The following LEKR1 variants were observed in gnomAD, a reference collection of about 807,000 sequenced individuals.
LEKR1 encodes leucine, glutamate and lysine rich 1, also known as protein LEKR1.
Under a neutral mutation model 72.4 loss-of-function variants are expected in LEKR1, and 59 were observed. The ratio of observed to expected loss-of-function variants is 0.82; its 90% CI spans 0.66 to 1.01. The LOEUF (loss-of-function observed/expected upper bound fraction) is 1.01, where lower values mean the gene tolerates loss of function less well. LEKR1 is among the 50% of genes least tolerant of loss of function. LEKR1 has a pLI of 0.00. For missense variants in LEKR1, 728 were observed against 759.2 expected, an observed-to-expected ratio of 0.96 and a Z score of 0.48; for synonymous variants, 257 against 263.2, an observed-to-expected ratio of 0.98 and a Z score of 0.23.
intron 12 of LEKR1, among the ~76,000 whole-genome samples, chr3:157,043,554 C>G (rs1318832312): frequency 6.6e-6 from 1 of 151,942 alleles, no homozygotes; most frequent in African/African-American, 2.4e-5. Flanking sequence ...GAGCAGGTCT[C>G]TGAAAGTGAG....
At chr3:156,908,395 A>C (rs1560071747) in intron 3 of LEKR1, among the ~76,000 whole-genome samples, 1 of 151,868 alleles carries the variant, frequency 6.6e-6, no homozygotes, top group Non-Finnish European at 1.5e-5. Flanking sequence ...TTAATTGGAA[A>C]TTTTCTGTGT....
chr3:157,024,986 C>T (rs11715321), intron 11 of LEKR1, 62 bp downstream of exon 11: 792,261 of 1,214,744 alleles, frequency 0.65, 262,307 homozygotes, highest in South Asian at 0.79. Context: ...TTGTATATTT[C>T]GCCTTAGAAC....
At chr3:156,906,841 T>C (rs992258870) in intron 3 of LEKR1, among the ~76,000 whole-genome samples, 3 of 152,150 alleles carry the variant, frequency 2.0e-5, no homozygotes, top group African/African-American at 7.2e-5. Flanking sequence ...GGAAAGTGTT[T>C]CAATGTGCAT....
At chr3:157,020,463 GT>G (rs1733738661) in intron 10 of LEKR1, among the ~76,000 whole-genome samples, 1 of 117,360 alleles carries the variant, frequency 8.5e-6, no homozygotes, top group South Asian at 3.0e-4. Context: ...AGAGTGTGAT[GT>G]TCCCCTTCCT....
chr3:156,923,325 C>G (rs1027964731), intron 4 of LEKR1, among the ~76,000 whole-genome samples: 1 of 152,244 alleles, frequency 6.6e-6, no homozygotes, highest in Non-Finnish European at 1.5e-5. Context: ...CTCATGCCAT[C>G]TTCAATCAAT....
At chr3:157,039,588 G>A (rs569914389) in intron 12 of LEKR1, among the ~76,000 whole-genome samples, 1 of 152,122 alleles carries the variant, frequency 6.6e-6, no homozygotes, top group East Asian at 1.9e-4. Flanking sequence ...TTCTGTACTC[G>A]AGCCTGGGCA....
intron 5 of LEKR1, among the ~76,000 whole-genome samples, chr3:156,928,388 G>C (rs780088050): frequency 3.3e-5 from 5 of 152,006 alleles, no homozygotes; most frequent in Admixed American, 1.3e-4. Context: ...TATGTGGAGA[G>C]AGGGGGATAT....
chr3:157,037,730 G>C (rs1427279977), intron 12 of LEKR1, among the ~76,000 whole-genome samples: 1 of 152,112 alleles, frequency 6.6e-6, no homozygotes, highest in East Asian at 1.9e-4. Context: ...TGTTTTTATA[G>C]ATGCTAAGGA....
Position 157,045,886 on chromosome 3 carries a change from CAA to C in LEKR1, c.*139_*140del, listed in dbSNP as rs1408890189. ...AAGGCATACCTATAGATGTATTTAA[CAA>C]AAGACTGTAAAAAGCTGGAAAATTG... is the stretch of plus-strand genomic sequence containing the variant. On this transcript the variant is annotated 3_prime_UTR_variant, in exon 13 of 13. Transcript: ENST00000356539. The C allele has an allele frequency of 1.4e-5, 11 of 786,452 alleles. No homozygotes were observed. Among genetic ancestry groups the C allele is most frequent in the Non-Finnish European group, 2.1e-5 (11 of 512,186 alleles). The allele number at this position is 786,452 out of a possible 1,614,324, so 48.7% of individuals were successfully genotyped here.
In LEKR1 at chr3:156,927,607, T is replaced by G; in HGVS notation, c.559+3T>G. 8.4e-7 allele frequency: 1 copy of G among 1,184,454 alleles called. No individual in the cohort carries two copies. The highest frequency in any genetic ancestry group is 1.1e-6 in the Non-Finnish European group (1 of 931,662). The allele number at this position is 1,184,454 out of a possible 1,614,324, so 73.4% of individuals were successfully genotyped here. Reference sequence around the variant, plus strand: ...TATAAGTGAAACAGCCTTGACAGGTTTGTTACATATATTTAGAATATAATT... The same window carrying G: ...TATAAGTGAAACAGCCTTGACAGGTGTGTTACATATATTTAGAATATAATT... On this transcript the variant is annotated splice_donor_region_variant and intron_variant, in intron 5 of 12. Coordinates refer to ENST00000356539, the MANE Select transcript of LEKR1 (RefSeq NM_001004316.3).
chr3:156,923,722 G>C (rs867561002), intron 4 of LEKR1, among the ~76,000 whole-genome samples: 51 of 140,730 alleles, frequency 3.6e-4, no homozygotes, highest in Middle Eastern at 7.2e-3. Flanking sequence ...TATGATTAAT[G>C]TATATTTAAT....
intron 2 of LEKR1, among the ~76,000 whole-genome samples, chr3:156,844,906 G>GTTTT (rs3060734): frequency 1.4e-5 from 2 of 143,530 alleles, no homozygotes; most frequent in Admixed American, 6.9e-5. Context: ...GTAACTACAG[G>GTTTT]TTTTTTTTTT....
chr3:156,979,161 ACTAAT>A (rs758265212), intron 6 of LEKR1, 28 bp from the exon 7 acceptor site: 1 of 944,546 alleles, frequency 1.1e-6, no homozygotes, highest in South Asian at 1.4e-5. Context: ...CTTAAAATGT[ACTAAT>A]CAGATGAAAT....
At chr3:156,870,400 AG>A (rs1348921915) in intron 3 of LEKR1, among the ~76,000 whole-genome samples, 1 of 151,954 alleles carries the variant, frequency 6.6e-6, no homozygotes, top group Non-Finnish European at 1.5e-5. Flanking sequence ...CACCTTGTAA[AG>A]GTTTTTCACC....
intron 3 of LEKR1, among the ~76,000 whole-genome samples, chr3:156,919,678 A>G (rs1439955857): frequency 2.0e-5 from 3 of 152,224 alleles, no homozygotes; most frequent in Admixed American, 1.3e-4. Flanking sequence ...GTTTATAGCA[A>G]CTACATGCTA....
intron 4 of LEKR1, among the ~76,000 whole-genome samples, chr3:156,925,504 G>C (rs1374572150): frequency 2.0e-5 from 3 of 151,816 alleles, no homozygotes; most frequent in African/African-American, 4.8e-5. Flanking sequence ...TTCTGCTTAG[G>C]CTCCTTGGTG....
chr3:156,860,044 C>T (rs957154977), intron 3 of LEKR1, among the ~76,000 whole-genome samples: 5 of 152,022 alleles, frequency 3.3e-5, no homozygotes, highest in African/African-American at 1.2e-4. Context: ...TTATCAAGTC[C>T]GAAGGTCCCT....
At chr3:156,949,452 T>C (rs2107974303) in intron 6 of LEKR1, among the ~76,000 whole-genome samples, 1 of 151,790 alleles carries the variant, frequency 6.6e-6, no homozygotes, top group East Asian at 1.9e-4. Context: ...GTCAGCTTTA[T>C]CAAAGATCAG....
chr3:157,005,621 G>A (rs1732363514), intron 9 of LEKR1, among the ~76,000 whole-genome samples: 1 of 151,960 alleles, frequency 6.6e-6, no homozygotes, highest in African/African-American at 2.4e-5. Flanking sequence ...ATGAATAAGT[G>A]GAGTTTATCA....
Sources: gnomAD v4.1 joint callset for allele counts (sites outside exome capture counted in the v4.1 genomes callset) on GRCh38, gnomAD v4.1.1 for gene constraint, MANE v1.5 for transcripts, NCBI Gene and HGNC (gene_info 2026-07-23, HGNC 2026-07-21) for gene names.